Variants in LHX8 observed in about 807,000 individuals in gnomAD.
The protein encoded by LHX8 is LIM homeobox 8.
LHX8 carries 12 observed loss-of-function variants against 40.3 expected under a neutral mutation model. The observed-to-expected ratio is 0.30, with a 90% CI of 0.19 to 0.48. LHX8 has a LOEUF of 0.48. Among genes scored for constraint, LHX8 ranks in the 20% least tolerant of loss-of-function variants. The pLI, the probability that LHX8 is intolerant of heterozygous loss-of-function variation, is 0.99. For missense variants in LHX8, 344 were observed against 433.7 expected, an observed-to-expected ratio of 0.79 and a Z score of 1.84; for synonymous variants, 179 against 162.0, an observed-to-expected ratio of 1.10 and a Z score of -0.80.
downstream of LHX8, among the ~76,000 whole-genome samples, chr1:75,164,742 T>TTTC (rs1406911495): frequency 4.6e-5 from 7 of 151,858 alleles, no homozygotes; most frequent in Non-Finnish European, 1.0e-4. Flanking sequence ...TTTTTTTTTT[T>TTTC]TTCCAGGCAG....
the LHX8 span, among the ~76,000 whole-genome samples, chr1:75,172,830 C>A: frequency 6.6e-6 from 1 of 152,130 alleles, no homozygotes; most frequent in Admixed American, 6.5e-5. Context: ...TGTTTGGGCC[C>A]CCTGCCTGAA....
chr1:75,161,899 T>C (rs1011254161), downstream of LHX8, among the ~76,000 whole-genome samples: 3 of 152,138 alleles, frequency 2.0e-5, no homozygotes, highest in African/African-American at 7.2e-5. Context: ...TGAATACCCT[T>C]TAGGGATGGT....
At chr1:75,163,400 G>A (rs1648970268), downstream of LHX8, among the ~76,000 whole-genome samples, 1 of 152,100 alleles carries the variant, frequency 6.6e-6, no homozygotes, top group South Asian at 2.1e-4. Context: ...TTACCAGTTA[G>A]CAAAAGTAAT....
At chr1:75,173,628 C>T in the LHX8 span, among the ~76,000 whole-genome samples, 7 of 151,976 alleles carry the variant, frequency 4.6e-5, no homozygotes, top group East Asian at 1.9e-4. Context: ...GTGATCTGCC[C>T]GCCTCGGCCT....
In LHX8 at chr1:75,143,653, A is replaced by G. The variant is rs187620903; in HGVS notation, c.581-192A>G. On this transcript the variant is annotated intron_variant, in intron 5 of 8. Coordinates refer to ENST00000356261, the MANE Select transcript of LHX8 (RefSeq NM_001256114.2). The stretch of plus-strand genomic sequence containing the variant: ...CTTCTAACTTTTTGAACTTTTCACT[A>G]AATATACAAGTCTGTAAGTGGAATA... Among the ~76,000 whole-genome samples, 761 of 152,282 alleles carry G rather than the reference A, an allele frequency of 5.0e-3. 3 individuals are homozygous for G. The highest frequency in any genetic ancestry group is 6.3e-3 in the Non-Finnish European group (430 of 68,030).
chr1:75,191,240 G>A, the LHX8 span, among the ~76,000 whole-genome samples: 1 of 151,840 alleles, frequency 6.6e-6, no homozygotes, highest in Non-Finnish European at 1.5e-5. Flanking sequence ...AAAAAACTTG[G>A]AATTTGACAA....
At chr1:75,192,175 G>C in the LHX8 span, among the ~76,000 whole-genome samples, 1 of 152,044 alleles carries the variant, frequency 6.6e-6, no homozygotes, top group African/African-American at 2.4e-5. Flanking sequence ...GATACTAAGT[G>C]GTATGTAAAT....
chr1:75,184,795 T>C, the LHX8 span, among the ~76,000 whole-genome samples: 1 of 146,414 alleles, frequency 6.8e-6, no homozygotes, highest in African/African-American at 2.5e-5. Flanking sequence ...AAAAGACCAT[T>C]CAAAAGATGA....
chr1:75,179,174 G>C, the LHX8 span, among the ~76,000 whole-genome samples: 1 of 152,214 alleles, frequency 6.6e-6, no homozygotes, highest in Non-Finnish European at 1.5e-5. Flanking sequence ...GAGTTCTGTA[G>C]ATGTCTGTTA....
chr1:75,133,369 C>T (rs1448485593), upstream of LHX8, among the ~76,000 whole-genome samples: 1 of 152,136 alleles, frequency 6.6e-6, no homozygotes. Context: ...GAGCTGGGGT[C>T]TGGGCAAGAT....
the LHX8 span, among the ~76,000 whole-genome samples, chr1:75,182,556 A>T: frequency 6.6e-6 from 1 of 151,940 alleles, no homozygotes; most frequent in African/African-American, 2.4e-5. Context: ...TATTTTTAGT[A>T]GAGACAGGGT....
Position 75,137,229 on chromosome 1 carries a change from G to A in LHX8, c.205G>A (p.Gly69Ser), listed in dbSNP as rs774218214. 1.9e-6 allele frequency: 3 copies of A among 1,613,488 alleles called. No homozygotes were observed. The highest frequency in any genetic ancestry group is 4.5e-5 in the East Asian group (2 of 44,866). Residue 69 changes from glycine to serine, a missense_variant, in exon 3 of 9, where the codon GGC becomes AGC. Physicochemically the swap from Gly to Ser is moderately conservative, Grantham distance 56 (BLOSUM62 0). Around this residue, in one of 3 missense-constraint regions of LHX8, gnomAD observed 147 missense variants for 250.8 expected, o/e 0.59. Coordinates refer to ENST00000356261, the MANE Select transcript of LHX8 (RefSeq NM_001256114.2). ...PPGKCVCNSC[G>S]LEIVDKYLLK... ...TGGCAAGTGTGTGTGCAACAGTTGC[G>A]GCCTGGAGATCGTGGACAAATACCT... is the stretch of plus-strand genomic sequence containing the variant.
chr1:75,196,830 G>T, the LHX8 span, among the ~76,000 whole-genome samples: 1 of 152,072 alleles, frequency 6.6e-6, no homozygotes, highest in South Asian at 2.1e-4. Context: ...TGCATGTCTT[G>T]CACATGTACA....
In LHX8 at chr1:75,136,635, G is replaced by C. The variant is rs1648143864; in HGVS notation, c.21G>C (p.Arg7=). The C allele has an allele frequency of 6.5e-7, 1 of 1,549,854 alleles. No individual in the cohort carries two copies. The highest frequency in any genetic ancestry group is 1.2e-5 in the South Asian group (1 of 84,056). MSEECG[R]TTALAAGRTR... ...GGCTCATGTCAGAGGAGTGCGGGCG[G>C]ACTACAGCCCTGGCGGCCGGGAGGA... is the stretch of plus-strand genomic sequence containing the variant. Residue 7 remains arginine (R), a synonymous_variant, in exon 2 of 9, where the codon CGG becomes CGC. Transcript: ENST00000356261.
chr1:75,199,387 G>C, the LHX8 span, among the ~76,000 whole-genome samples: 19 of 152,150 alleles, frequency 1.2e-4, no homozygotes. Context: ...TCTAACAATG[G>C]ATCAAGTTCA....
At chr1:75,142,453 C>G (rs1338683223) in intron 4 of LHX8, among the ~76,000 whole-genome samples, 12 of 152,094 alleles carry the variant, frequency 7.9e-5, no homozygotes, top group Non-Finnish European at 2.9e-5. Context: ...GATTGACCTG[C>G]ATTTAATGTC....
At chr1:75,148,138 CT>C (rs748148531) in intron 6 of LHX8, among the ~76,000 whole-genome samples, 3 of 152,102 alleles carry the variant, frequency 2.0e-5, no homozygotes, top group Non-Finnish European at 4.4e-5. Context: ...TGGAATCCTT[CT>C]GTTGATCTGT....
At chr1:75,143,747 A>G in intron 5 of LHX8, 98 bp from the exon 6 acceptor site, 1 of 873,216 alleles carries the variant, frequency 1.1e-6, no homozygotes, top group Non-Finnish European at 1.9e-6. Flanking sequence ...AAACATATAC[A>G]GTTACACAAA....
At chr1:75,159,537 G>A (rs534750967) in intron 8 of LHX8, 1 of 152,078 alleles carries the variant, frequency 6.6e-6, no homozygotes, top group African/African-American at 2.4e-5. Flanking sequence ...AATTTATTAT[G>A]TTTTTCAGTT....
Sources: gnomAD v4.1 joint callset for allele counts (sites outside exome capture counted in the v4.1 genomes callset) on GRCh38, gnomAD v4.1.1 for gene constraint, gnomAD v4.1.1 regional missense constraint, MANE v1.5 for transcripts, NCBI Gene and HGNC (gene_info 2026-07-23, HGNC 2026-07-21) for gene names.